The following QRICH1 variants were observed in gnomAD, a reference collection of about 807,000 sequenced individuals.
QRICH1 encodes glutamine rich 1.
Under a neutral mutation model 87.1 loss-of-function variants are expected in QRICH1, and 16 were observed. The observed-to-expected ratio is 0.18, with a 90% CI of 0.12 to 0.28. The LOEUF (loss-of-function observed/expected upper bound fraction) is 0.28, where lower values mean the gene tolerates loss of function less well. Ranked by LOEUF, QRICH1 falls within the 10% of genes least tolerant of loss-of-function variation. The pLI is 1.00. For missense variants in QRICH1, 647 were observed against 951.7 expected (o/e 0.68, Z 4.21); for synonymous variants, 367 against 368.4 (o/e 1.00, Z 0.05).
At position 49,047,121 on chromosome 3, in the gene QRICH1, G is replaced by A; in HGVS notation, c.1464C>T (p.Thr488=). ...CATCCTTCTCTAGTTCAGCATTCTT[G>A]GTCTGGGCCCAGTTTTTCCATACTT... is the stretch of plus-strand genomic sequence containing the variant. ...GLEVWKNWAQ[T]KNAELEKDAQ... is the part of the protein sequence containing the mutation. Residue 488 remains threonine, a synonymous_variant, in exon 4 of 10, where the codon ACC becomes ACT. Coordinates refer to ENST00000395443, the MANE Select transcript of QRICH1 (RefSeq NM_198880.3). 6.2e-7 allele frequency: 1 copy of A among 1,614,074 alleles called. No individual in the cohort carries two copies. Among genetic ancestry groups the A allele is most frequent in the Non-Finnish European group, 8.5e-7 (1 of 1,180,028 alleles).
chr3:49,033,323 G>A (rs1484300795), intron 6 of QRICH1, 95 bp from the exon 7 acceptor site: 1 of 700,560 alleles, frequency 1.4e-6, no homozygotes, highest in Non-Finnish European at 2.1e-6. Context: ...CCACACAGGA[G>A]TATAAATTTC....
intron 7 of QRICH1, 40 bp from the exon 8 acceptor site, chr3:49,032,813 C>A: frequency 6.3e-7 from 1 of 1,579,800 alleles, no homozygotes; most frequent in South Asian, 1.2e-5. Flanking sequence ...GGAGGGGTGC[C>A]GGGAGGATAC....
intron 2 of QRICH1, among the ~76,000 whole-genome samples, chr3:49,061,066 C>T (rs540418088): frequency 1.3e-4 from 17 of 133,178 alleles, no homozygotes; most frequent in East Asian, 2.4e-4. Context: ...ACCCAGGAGG[C>T]GGAAGTTGAA....
chr3:49,071,038 C>CA (rs2093497388), intron 2 of QRICH1, among the ~76,000 whole-genome samples: 1 of 148,128 alleles, frequency 6.8e-6, no homozygotes, highest in African/African-American at 2.5e-5. Context: ...CATAAAGTCT[C>CA]AAAAAACACT....
At chr3:49,063,053 C>T (rs1406976740) in intron 2 of QRICH1, among the ~76,000 whole-genome samples, 1 of 151,728 alleles carries the variant, frequency 6.6e-6, no homozygotes, top group Non-Finnish European at 1.5e-5. Flanking sequence ...TGAATTGATG[C>T]TGCACTTTTC....
At position 49,065,676 on chromosome 3, in the gene QRICH1, GTC is replaced by G. The variant is rs199514927; in HGVS notation, c.310-7788_310-7787del. Reference sequence around the variant, plus strand: ...AAAAGGTGCTTGGAGGCTACCAGGAGTCTCTCTCTTTTTTTTTTTTTTGAGAC... The same window carrying G: ...AAAAGGTGCTTGGAGGCTACCAGGAGTCTCTCTTTTTTTTTTTTTTGAGAC... On this transcript the variant is annotated intron_variant, in intron 2 of 9. Transcript: ENST00000395443. Among the ~76,000 whole-genome samples, 35 of 151,700 alleles carry G rather than the reference GTC, an allele frequency of 2.3e-4. No individual in the cohort carries two copies. In the East Asian group the frequency reaches 4.3e-3, roughly 19 times the overall value.
intron 3 of QRICH1, among the ~76,000 whole-genome samples, chr3:49,052,662 ATTT>A (rs566788214): frequency 1.3e-5 from 2 of 151,846 alleles, no homozygotes; most frequent in African/African-American, 4.8e-5. Context: ...TGCCCAGCTA[ATTT>A]TTTTATTTTT....
chr3:49,072,386 G>A (rs923636096), intron 2 of QRICH1, among the ~76,000 whole-genome samples: 1 of 151,944 alleles, frequency 6.6e-6, no homozygotes, highest in African/African-American at 2.4e-5. Flanking sequence ...TTAGGCAGGT[G>A]TTGGTGGTGT....
intron 2 of QRICH1, among the ~76,000 whole-genome samples, chr3:49,061,421 T>C (rs545018570): frequency 6.6e-6 from 1 of 152,280 alleles, no homozygotes; most frequent in East Asian, 1.9e-4. Flanking sequence ...TACTGTCTTA[T>C]TATTATGTCA....
chr3:49,045,309 A>G (rs1366184232), intron 5 of QRICH1, among the ~76,000 whole-genome samples: 2 of 144,224 alleles, frequency 1.4e-5, no homozygotes, highest in Non-Finnish European at 3.0e-5. Flanking sequence ...AGTGTTACAT[A>G]AATGCTTTGT....
chr3:49,065,384 G>C (rs949399715), intron 2 of QRICH1, among the ~76,000 whole-genome samples: 1 of 152,138 alleles, frequency 6.6e-6, no homozygotes, highest in Non-Finnish European at 1.5e-5. Context: ...ACCTCAAAGT[G>C]ATCTGCCCAC....
chr3:49,072,152 G>A (rs35102816), intron 2 of QRICH1, among the ~76,000 whole-genome samples: 11,536 of 152,186 alleles, frequency 0.076, 580 homozygotes, highest in Non-Finnish European at 0.1. Flanking sequence ...CCAACATGGT[G>A]AAACCCCATC....
At chr3:49,047,774 T>C (rs948768617) in intron 3 of QRICH1, among the ~76,000 whole-genome samples, 1 of 151,920 alleles carries the variant, frequency 6.6e-6, no homozygotes, top group African/African-American at 2.4e-5. Flanking sequence ...TGAACCACTG[T>C]GCCCGGTCAA....
At chr3:49,089,070 T>C (rs1027714468) in intron 1 of QRICH1, among the ~76,000 whole-genome samples, 1 of 151,922 alleles carries the variant, frequency 6.6e-6, no homozygotes, top group African/African-American at 2.4e-5. Context: ...TCTTTTCTTT[T>C]TTTTTTTTTA....
intron 1 of QRICH1, 24 bp downstream of exon 1, chr3:49,093,887 TC>T (rs2042330050): frequency 6.7e-6 from 1 of 148,968 alleles, no homozygotes; most frequent in African/African-American, 2.7e-5. Context: ...CTTCGCCGCA[TC>T]CCCACCCGCA....
rs762481889 is a variant in QRICH1 at position 49,046,623 on chromosome 3, A to G, written c.1517-44T>C. 9.4e-6 allele frequency: 15 copies of G among 1,600,852 alleles called. No homozygotes were observed. The East Asian group carries it at 1.1e-4, about 12-fold the overall frequency. On this transcript the variant is annotated intron_variant, in intron 4 of 9. Coordinates refer to ENST00000395443, the MANE Select transcript of QRICH1 (RefSeq NM_198880.3). ...AAATGAATGAAGGTCCTGGGGGTCCATATCTGGAAGGCTCAGAACAGATAC... is the reference window on the plus strand; with the variant it reads ...AAATGAATGAAGGTCCTGGGGGTCCGTATCTGGAAGGCTCAGAACAGATAC...
intron 1 of QRICH1, among the ~76,000 whole-genome samples, chr3:49,078,018 T>G (rs916727965): frequency 6.6e-6 from 1 of 152,208 alleles, no homozygotes; most frequent in Non-Finnish European, 1.5e-5. Flanking sequence ...CCCCTGTCGC[T>G]GCTACCTTTG....
chr3:49,091,424 A>G (rs1198210597), intron 1 of QRICH1, among the ~76,000 whole-genome samples: 1 of 152,196 alleles, frequency 6.6e-6, no homozygotes, highest in African/African-American at 2.4e-5. Flanking sequence ...GCATATCCAA[A>G]GTAAGGAAAG....
chr3:49,089,288 G>C (rs1214619028), intron 1 of QRICH1, among the ~76,000 whole-genome samples: 3 of 152,092 alleles, frequency 2.0e-5, no homozygotes, highest in African/African-American at 7.2e-5. Context: ...TGGAACTCCT[G>C]ACCTTAGGTG....
Sources: gnomAD v4.1 joint callset for allele counts (sites outside exome capture counted in the v4.1 genomes callset) on GRCh38, gnomAD v4.1.1 for gene constraint, MANE v1.5 for transcripts, NCBI Gene and HGNC (gene_info 2026-07-23, HGNC 2026-07-21) for gene names.